Variants in MPRIP observed in about 807,000 individuals in gnomAD.
The protein encoded by MPRIP is myosin phosphatase Rho interacting protein.
In MPRIP, 59 loss-of-function variants were observed where a neutral mutation model predicts 234.9. The observed-to-expected ratio is 0.25, with a 90% CI of 0.20 to 0.31. The LOEUF (loss-of-function observed/expected upper bound fraction) is 0.31, where lower values mean the gene tolerates loss of function less well. MPRIP is among the 10% of genes least tolerant of loss of function. The pLI, the probability that MPRIP is intolerant of heterozygous loss-of-function variation, is 1.00. For missense variants in MPRIP, 2,436 were observed against 3,071.0 expected (o/e 0.79, Z 4.89); for synonymous variants, 1,144 against 1,263.9 (o/e 0.91, Z 2.01).
chr17:17,172,917 A>G, intron 18 of MPRIP, 102 bp downstream of exon 18: 1 of 1,108,434 alleles, frequency 9.0e-7, no homozygotes, highest in Non-Finnish European at 1.3e-6. Context: ...GGCCTCCAGA[A>G]GTGGGGCCTG....
intron 16 of MPRIP, chr17:17,168,344 A>G (rs2046051808): frequency 4.2e-6 from 1 of 240,134 alleles, no homozygotes. Context: ...ACTCACAGCA[A>G]CACCCCGGAG....
rs1567779909 is a variant in MPRIP, at chr17:17,177,418, TC to T, written c.7120+8del. The T allele has an allele frequency of 6.2e-7, 1 of 1,612,040 alleles. No individual in the cohort carries two copies. On this transcript the variant is annotated splice_region_variant and intron_variant, in intron 22 of 23. Transcript: ENST00000651222. ...TGCCACGGTGTCCGGATATGGTGCG[TC>T]CTCGGGTCATGCCCTCTCGGTTATT...
chr17:17,050,819 G>T (rs1301066937), intron 1 of MPRIP, among the ~76,000 whole-genome samples: 3 of 151,760 alleles, frequency 2.0e-5, no homozygotes, highest in African/African-American at 7.2e-5. Context: ...GGCCTGTCCT[G>T]TGGGGAGCCG....
chr17:17,121,058 C>G (rs967075166), intron 3 of MPRIP, among the ~76,000 whole-genome samples: 5 of 152,164 alleles, frequency 3.3e-5, no homozygotes, highest in Non-Finnish European at 1.5e-5. Context: ...ACCAGAGTGC[C>G]TGGGTTTGAA....
At position 17,166,983 on chromosome 17, in the gene MPRIP, G is replaced by A. The variant is rs1308216804; in HGVS notation, c.5392G>A (p.Ala1798Thr). ...GGCCAGCCTCTTAGAGGAGATAGCGGCTGCCTTACCATCTCTGCCACCTGT... is the reference window on the plus strand; with the variant it reads ...GGCCAGCCTCTTAGAGGAGATAGCGACTGCCTTACCATCTCTGCCACCTGT... ...EKASLLEEIA[A>T]ALPSLPPVES... Residue 1798 changes from alanine to threonine, a missense_variant, in exon 16 of 24, where the codon GCT (alanine) becomes ACT (threonine). Physicochemically the swap from Ala to Thr is moderately conservative, Grantham distance 58. Coordinates refer to ENST00000651222, the MANE Select transcript of MPRIP (RefSeq NM_001364716.4). This position sits in a 1 kb window ranked among gnomAD's most constrained non-coding sequence, Gnocchi z 4.4. 3 of 1,304,126 alleles carry A rather than the reference G, an allele frequency of 2.3e-6. No individual in the cohort carries two copies. In the South Asian group the frequency reaches 3.7e-5, roughly 16 times the overall value. The allele number at this position is 1,304,126 out of a possible 1,614,324, so 80.8% of individuals were successfully genotyped here.
chr17:17,064,209 T>TTG (rs1244256372), intron 1 of MPRIP, among the ~76,000 whole-genome samples: 7 of 147,440 alleles, frequency 4.7e-5, no homozygotes, highest in Non-Finnish European at 7.4e-5. Context: ...TTGTTTTGTT[T>TTG]TTTTTTTTTT....
chr17:17,163,711 G>C (rs1229452236), intron 15 of MPRIP, among the ~76,000 whole-genome samples: 1 of 152,062 alleles, frequency 6.6e-6, no homozygotes, highest in Admixed American at 6.6e-5. Context: ...TCAAGACTGC[G>C]TACTTTTTGT....
At chr17:17,104,623 C>G (rs1056170834) in intron 3 of MPRIP, among the ~76,000 whole-genome samples, 2 of 152,204 alleles carry the variant, frequency 1.3e-5, no homozygotes, top group African/African-American at 2.4e-5. Context: ...AGCAGAGTAC[C>G]TGTCCTGTGT....
rs912165304 is a variant in MPRIP, at chr17:17,138,517, C to G, written c.1250+88C>G. 1 of 158,176 alleles carries G rather than the reference C, an allele frequency of 6.3e-6. No homozygotes were observed. The highest frequency in any genetic ancestry group is 2.0e-4 in the South Asian group (1 of 4,924). The allele number at this position is 158,176 out of a possible 1,614,324, so 9.8% of individuals were successfully genotyped here. A position where few individuals can be genotyped will look rare whatever the true frequency, so the allele number is the denominator to read the frequency against. On this transcript the variant is annotated intron_variant, in intron 7 of 23. Transcript: ENST00000651222. This position sits in a 1 kb window ranked among gnomAD's most constrained non-coding sequence, Gnocchi z 5.8. ...ATACACTCATACTCTCTGTTTCTCTCACATACAGTCCCCAAGCCTCCCTTG... is the reference window on the plus strand; with the variant it reads ...ATACACTCATACTCTCTGTTTCTCTGACATACAGTCCCCAAGCCTCCCTTG...
Position 17,164,591 on chromosome 17 carries a change from C to G in MPRIP, c.3000C>G (p.Leu1000=). 8.2e-7 allele frequency: 1 copy of G among 1,212,234 alleles called. No homozygotes were observed. The highest frequency in any genetic ancestry group is 1.1e-6 in the Non-Finnish European group (1 of 947,176). The allele number at this position is 1,212,234 out of a possible 1,614,324, so 75.1% of individuals were successfully genotyped here. The stretch of plus-strand genomic sequence containing the variant: ...GGCTGCAGGAGCGCATTGCCGACCT[C>G]AGCCAGCAACTGGGCGCCAGTGAGC... The part of the protein sequence containing the change: ...VQRLQERIAD[L]SQQLGASEQA... The change falls in exon 16 of 24, where the codon CTC becomes CTG. Residue 1000 remains leucine, a synonymous_variant. Coordinates refer to ENST00000651222, the MANE Select transcript of MPRIP (RefSeq NM_001364716.4).
Position 17,158,418 on chromosome 17 carries a change from C to A in MPRIP, c.1830-14C>A. On this transcript the variant is annotated splice_polypyrimidine_tract_variant and intron_variant, in intron 13 of 23. Transcript: ENST00000651222. The stretch of plus-strand genomic sequence containing the variant: ...CCGCCCCTGACAGGCTATGTCCATC[C>A]TCCTGCCCCACAGCTCGTTGCCAGA... 1 of 1,541,648 alleles carries A rather than the reference C, an allele frequency of 6.5e-7. No individual in the cohort carries two copies. The highest frequency in any genetic ancestry group is 1.2e-5 in the South Asian group (1 of 80,856).
chr17:17,057,774 C>T (rs1228336328), intron 1 of MPRIP: 23 of 708,638 alleles, frequency 3.2e-5, no homozygotes, highest in Non-Finnish European at 3.4e-5. Context: ...ATCCTACACC[C>T]GAGGTGGCCC....
At chr17:17,102,558 T>C (rs2089984592) in intron 3 of MPRIP, among the ~76,000 whole-genome samples, 1 of 152,222 alleles carries the variant, frequency 6.6e-6, no homozygotes, top group Non-Finnish European at 1.5e-5. Flanking sequence ...CTAAGCCACT[T>C]TCTCACCTGT....
chr17:17,056,697 A>G (rs1189652011), intron 1 of MPRIP, among the ~76,000 whole-genome samples: 1 of 152,054 alleles, frequency 6.6e-6, no homozygotes, highest in East Asian at 1.9e-4. Context: ...AGCCTACAGT[A>G]TTGTACAACT....
intron 1 of MPRIP, among the ~76,000 whole-genome samples, chr17:17,048,247 G>A (rs2088420533): frequency 6.6e-6 from 1 of 152,104 alleles, no homozygotes; most frequent in Non-Finnish European, 1.5e-5. Flanking sequence ...TAGTCTTCCT[G>A]GTGTGATTCT....
Position 17,154,315 on chromosome 17 carries a change from G to A in MPRIP, c.1729G>A (p.Gly577Ser), listed in dbSNP as rs373881531. The change falls in exon 13 of 24, where the codon GGC becomes AGC. Residue 577 changes from glycine (G) to serine (S), a missense_variant. This residue lies in a region of MPRIP where 1,998 missense variants were observed against 2,520.3 expected (regional missense o/e 0.79). Transcript: ENST00000651222. ...NYGFQIHTKE[G>S]EFTLSAMTSG... ...CATCTTTTCTCTGTAGACAAAGGAGGGCGAGTTTACCCTGTCGGCCATGAC... is the reference window on the plus strand; with the variant it reads ...CATCTTTTCTCTGTAGACAAAGGAGAGCGAGTTTACCCTGTCGGCCATGAC... The A allele has an allele frequency of 1.2e-6, 2 of 1,614,006 alleles. No individual in the cohort carries two copies. Among genetic ancestry groups the A allele is most frequent in the Non-Finnish European group, 1.7e-6 (2 of 1,180,000 alleles).
chr17:17,096,922 C>A (rs2089860433), intron 3 of MPRIP: 6 of 411,102 alleles, frequency 1.5e-5, no homozygotes, highest in Non-Finnish European at 3.1e-5. Context: ...TCGTCGGCTG[C>A]TGGGAAGACC....
Position 17,185,212 on chromosome 17 carries a change from C to T in MPRIP, c.*318C>T. The T allele has an allele frequency of 2.9e-6, 1 of 339,012 alleles. No individual in the cohort carries two copies. The highest frequency in any genetic ancestry group is 2.1e-5 in the African/African-American group (1 of 46,704). The allele number at this position is 339,012 out of a possible 1,614,324, so 21.0% of individuals were successfully genotyped here. ...CCACACTCACTGTCAGTATTAAGGC[C>T]CAGCAGCCTGTTGATAAGCTACCCT... is the stretch of plus-strand genomic sequence containing the variant. On this transcript the variant is annotated 3_prime_UTR_variant, in exon 24 of 24. Coordinates refer to ENST00000651222, the MANE Select transcript of MPRIP (RefSeq NM_001364716.4).
intron 17 of MPRIP, 99 bp from the exon 18 acceptor site, chr17:17,172,599 G>A: frequency 2.3e-6 from 2 of 858,268 alleles, no homozygotes; most frequent in East Asian, 2.5e-5. Context: ...AGCATCAGCA[G>A]TGGCAGGCGC....
Sources: gnomAD v4.1 joint callset for allele counts (sites outside exome capture counted in the v4.1 genomes callset) on GRCh38, gnomAD v4.1.1 for gene constraint, gnomAD v4.1.1 regional missense constraint, Gnocchi (gnomAD v3.1) non-coding constraint, MANE v1.5 for transcripts, NCBI Gene and HGNC (gene_info 2026-07-23, HGNC 2026-07-21) for gene names.